The following RBM47 variants were observed in gnomAD, a reference collection of about 807,000 sequenced individuals.
The protein encoded by RBM47 is RNA binding motif protein 47.
In RBM47, 21 loss-of-function variants were observed where a neutral mutation model predicts 47.1. The ratio of observed to expected loss-of-function variants is 0.45; its 90% confidence interval spans 0.32 to 0.64. The LOEUF is 0.64. Ranked by LOEUF, RBM47 falls within the 30% of genes least tolerant of loss-of-function variation. The probability of loss-of-function intolerance (pLI) is 0.05; values close to 1 mark genes in which losing one functional copy is unlikely to be tolerated. For missense variants in RBM47, 708 were observed against 870.9 expected (o/e 0.81, Z 2.35); for synonymous variants, 375 against 361.7 (o/e 1.04, Z -0.42).
intron 2 of RBM47, among the ~76,000 whole-genome samples, chr4:40,532,010 T>TA (rs1252142409): frequency 6.6e-6 from 1 of 151,054 alleles, no homozygotes; most frequent in African/African-American, 2.4e-5. Context: ...CTTTTTTTTT[T>TA]ATCTTTTTTT....
intron 1 of RBM47, among the ~76,000 whole-genome samples, chr4:40,544,952 G>A (rs150666562): frequency 3.0e-4 from 45 of 152,064 alleles, no homozygotes; most frequent in Non-Finnish European, 5.0e-4. Context: ...CCAGCTTGTT[G>A]GAGGAGCTGA....
Position 40,425,842 on chromosome 4 carries a change from T to A in RBM47, c.*62A>T. 6.4e-7 allele frequency: 1 copy of A among 1,568,834 alleles called. No homozygotes were observed. ...GTGAATCCAACATGTTCCTTCTTCA[T>A]AAATAGTCAAGCGTTCCTTCAGTGG... On this transcript the variant is annotated 3_prime_UTR_variant, in exon 7 of 7. Coordinates refer to ENST00000295971, the MANE Select transcript of RBM47 (RefSeq NM_001098634.2).
intron 1 of RBM47, among the ~76,000 whole-genome samples, chr4:40,549,100 C>T (rs1729294708): frequency 4.3e-5 from 6 of 139,614 alleles, no homozygotes; most frequent in African/African-American, 2.9e-5. Context: ...ACCTCAGTTT[C>T]TTTTTTTTTG....
At chr4:40,600,985 CAAAAAAAA>C (rs56054491) in intron 1 of RBM47, among the ~76,000 whole-genome samples, 1 of 50,130 alleles carries the variant, frequency 2.0e-5, no homozygotes, top group Non-Finnish European at 3.8e-5. Flanking sequence ...AACTCCGTCT[CAAAAAAAA>C]AAAAAAAAAG....
chr4:40,425,903 C>T lies in RBM47; in HGVS notation c.*1G>A. Reference sequence around the variant, plus strand: ...GTCTGTCTTCGTGCTGGTCACCAGCCTCAGTATGTCTGGTAGACGTCGGGG... The same window carrying T: ...GTCTGTCTTCGTGCTGGTCACCAGCTTCAGTATGTCTGGTAGACGTCGGGG... On this transcript the variant is annotated 3_prime_UTR_variant, in exon 7 of 7. Transcript: ENST00000295971. 1 of 1,614,014 alleles carries T rather than the reference C, an allele frequency of 6.2e-7. No individual in the cohort carries two copies. The highest frequency in any genetic ancestry group is 8.5e-7 in the Non-Finnish European group (1 of 1,179,934).
intron 4 of RBM47, among the ~76,000 whole-genome samples, chr4:40,437,117 C>CAT (rs767630676): frequency 0.038 from 2,012 of 53,242 alleles, 410 homozygotes; most frequent in East Asian, 0.2. Context: ...ATATAAAATA[C>CAT]ATATATATAT....
intron 6 of RBM47, among the ~76,000 whole-genome samples, chr4:40,430,476 T>C (rs1715808758): frequency 6.6e-6 from 1 of 152,256 alleles, no homozygotes; most frequent in Non-Finnish European, 1.5e-5. Context: ...CCACAAGTAT[T>C]ATAACTATAC....
intron 2 of RBM47, among the ~76,000 whole-genome samples, chr4:40,516,260 T>TC (rs1006489011): frequency 2.1e-5 from 3 of 140,562 alleles, no homozygotes; most frequent in Admixed American, 7.0e-5. Flanking sequence ...TTCTTTTCTT[T>TC]CTTTTTTTTT....
intron 2 of RBM47, among the ~76,000 whole-genome samples, chr4:40,526,947 T>C (rs1356409027): frequency 6.6e-6 from 1 of 151,984 alleles, no homozygotes; most frequent in Non-Finnish European, 1.5e-5. Context: ...GACTGCTGCA[T>C]GTAGTGAGAC....
chr4:40,533,720 C>T lies in RBM47; in HGVS notation c.-155+10702G>A, dbSNP rs143379929. On this transcript the variant is annotated intron_variant, in intron 2 of 6. Coordinates refer to ENST00000295971, the MANE Select transcript of RBM47 (RefSeq NM_001098634.2). ...GCAAAAACATGGCTCACTATAGCCT[C>T]GACTTCCCGGGCTCAAATGATCCTT... 2.5e-3 allele frequency among the ~76,000 whole-genome samples: 382 copies of T among 152,170 alleles called. 3 individuals carry two copies. The highest frequency in any genetic ancestry group is 0.01 in the Middle Eastern group (3 of 294).
At chr4:40,590,231 C>G (rs1158323232) in intron 1 of RBM47, among the ~76,000 whole-genome samples, 1 of 152,126 alleles carries the variant, frequency 6.6e-6, no homozygotes, top group Non-Finnish European at 1.5e-5. Context: ...TCAACTGATT[C>G]ACTTTTTAAA....
chr4:40,535,371 CTTTTT>C (rs1177127352), intron 2 of RBM47, among the ~76,000 whole-genome samples: 2 of 103,454 alleles, frequency 1.9e-5, no homozygotes, highest in African/African-American at 4.3e-5. Flanking sequence ...TATGGTATTT[CTTTTT>C]TTTTTTTTTT....
intron 2 of RBM47, among the ~76,000 whole-genome samples, chr4:40,486,885 T>C (rs889543302): frequency 6.6e-6 from 1 of 152,252 alleles, no homozygotes; most frequent in Non-Finnish European, 1.5e-5. Context: ...ATCTTGGTAA[T>C]GTGCAAACAT....
chr4:40,568,747 G>GA (rs1560474902), intron 1 of RBM47, among the ~76,000 whole-genome samples: 1 of 151,680 alleles, frequency 6.6e-6, no homozygotes, highest in East Asian at 1.9e-4. Context: ...TTGGGAGGCC[G>GA]AGGCGGGTGG....
chr4:40,502,975 C>A (rs1723584475), intron 2 of RBM47, among the ~76,000 whole-genome samples: 1 of 145,484 alleles, frequency 6.9e-6, no homozygotes, highest in South Asian at 2.2e-4. Flanking sequence ...CATTGTACAA[C>A]CCTGTCTGTA....
intron 2 of RBM47, among the ~76,000 whole-genome samples, chr4:40,516,927 C>A (rs1318608562): frequency 6.6e-6 from 1 of 152,164 alleles, no homozygotes; most frequent in African/African-American, 2.4e-5. Context: ...CTCACTTGAC[C>A]TCTTGTCCCT....
chr4:40,551,178 C>A (rs932381863), intron 1 of RBM47, among the ~76,000 whole-genome samples: 1 of 152,168 alleles, frequency 6.6e-6, no homozygotes, highest in Non-Finnish European at 1.5e-5. Context: ...ATACACACAT[C>A]ACTATGGGCT....
intron 1 of RBM47, among the ~76,000 whole-genome samples, chr4:40,605,668 T>C (rs187494854): frequency 4.6e-5 from 7 of 151,558 alleles, no homozygotes; most frequent in Non-Finnish European, 1.0e-4. Context: ...CCGTCTCTAC[T>C]AAAAATACAA....
chr4:40,442,342 G>A (rs1294948416), intron 3 of RBM47, among the ~76,000 whole-genome samples: 2 of 152,140 alleles, frequency 1.3e-5, no homozygotes, highest in Non-Finnish European at 2.9e-5. Context: ...CATTAGGATA[G>A]TTATTATAAA....
Sources: gnomAD v4.1 joint callset for allele counts (sites outside exome capture counted in the v4.1 genomes callset) on GRCh38, gnomAD v4.1.1 for gene constraint, MANE v1.5 for transcripts, NCBI Gene and HGNC (gene_info 2026-07-23, HGNC 2026-07-21) for gene names.